SPAG9: variants seen among roughly 807,000 people sequenced by gnomAD.
SPAG9 encodes C-Jun-amino-terminal kinase-interacting protein 4.
A neutral mutation model predicts 166.5 loss-of-function variants in SPAG9; 35 were observed. The ratio of observed to expected loss-of-function variants is 0.21; its 90% CI spans 0.16 to 0.28. The LOEUF is 0.28. Ranked by LOEUF, SPAG9 falls within the 10% of genes least tolerant of loss-of-function variation. The probability of loss-of-function intolerance (pLI) is 1.00; values close to 1 mark genes in which losing one functional copy is unlikely to be tolerated. For missense variants in SPAG9, 1,235 were observed against 1,603.3 expected (o/e 0.77, Z 3.92); for synonymous variants, 534 against 565.5 (o/e 0.94, Z 0.79).
chr17:51,104,175 G>A (rs2048878195), intron 1 of SPAG9, among the ~76,000 whole-genome samples: 1 of 152,074 alleles, frequency 6.6e-6, no homozygotes, highest in African/African-American at 2.4e-5. Context: ...TGGACACGCT[G>A]GGAGATATTC....
At chr17:51,062,203 G>A (rs1339325879) in intron 2 of SPAG9, among the ~76,000 whole-genome samples, 10 of 151,948 alleles carry the variant, frequency 6.6e-5, no homozygotes, top group Admixed American at 1.3e-4. Context: ...CCCTACACAC[G>A]CAACCTCCCC....
chr17:51,050,163 A>G (rs1459805827), intron 3 of SPAG9, among the ~76,000 whole-genome samples: 1 of 152,246 alleles, frequency 6.6e-6, no homozygotes, highest in Non-Finnish European at 1.5e-5. Flanking sequence ...GTAATTACAG[A>G]TATAGTATTC....
chr17:51,001,600 A>G, intron 13 of SPAG9, 115 bp downstream of exon 13: 1 of 981,644 alleles, frequency 1.0e-6, no homozygotes. Flanking sequence ...AGTCTCTCCT[A>G]GTAAACAGAG....
intron 3 of SPAG9, among the ~76,000 whole-genome samples, chr17:51,049,365 A>G (rs1297785395): frequency 6.7e-6 from 1 of 149,886 alleles, no homozygotes; most frequent in African/African-American, 2.5e-5. Flanking sequence ...AGACCCCTCA[A>G]AAAAAAAAAC....
intron 2 of SPAG9, among the ~76,000 whole-genome samples, chr17:51,076,985 T>TCTAGCTAGCTATCTAGCTAGCTATCTAG (rs751596340): frequency 9.8e-6 from 1 of 101,646 alleles, no homozygotes; most frequent in African/African-American, 3.9e-5. Context: ...ATCTATCTTA[T>TCTAGCTAGCTATCTAGCTAGCTATCTAG]CTAGCTATCT....
chr17:50,997,591 A>G (rs2044734727), intron 15 of SPAG9, among the ~76,000 whole-genome samples: 1 of 152,258 alleles, frequency 6.6e-6, no homozygotes, highest in Non-Finnish European at 1.5e-5. Context: ...TTAAATTTTC[A>G]TAAGATGAGT....
At chr17:51,104,932 C>CAA (rs397856546) in intron 1 of SPAG9, among the ~76,000 whole-genome samples, 6 of 57,468 alleles carry the variant, frequency 1.0e-4, no homozygotes, top group East Asian at 4.1e-4. Flanking sequence ...GACTCCGTCT[C>CAA]AAAAAAAAAA....
intron 3 of SPAG9, among the ~76,000 whole-genome samples, chr17:51,052,923 G>A (rs986391880): frequency 3.9e-5 from 6 of 151,978 alleles, no homozygotes; most frequent in Admixed American, 3.3e-4. Flanking sequence ...GCCGAGCGTG[G>A]TGGTGCACTC....
At chr17:51,022,152 G>A (rs962052299) in intron 6 of SPAG9, among the ~76,000 whole-genome samples, 1 of 150,914 alleles carries the variant, frequency 6.6e-6, no homozygotes, top group Non-Finnish European at 1.5e-5. Flanking sequence ...AGCGGGGAGA[G>A]GGGGCAGATT....
At chr17:51,009,010 T>C (rs368448053) in intron 9 of SPAG9, 9 of 360,780 alleles carry the variant, frequency 2.5e-5, no homozygotes, top group South Asian at 8.8e-5. Context: ...GCTGAAAATA[T>C]ATGAAAGGCA....
chr17:50,999,819 G>A (rs2044852161), intron 13 of SPAG9, 102 bp from the exon 14 acceptor site: 2 of 877,200 alleles, frequency 2.3e-6, no homozygotes, highest in Admixed American at 2.4e-5. Context: ...TACACAGAGG[G>A]GAGTCAACAA....
chr17:51,022,254 A>G (rs1295292846), intron 6 of SPAG9, among the ~76,000 whole-genome samples: 1 of 152,064 alleles, frequency 6.6e-6, no homozygotes, highest in Non-Finnish European at 1.5e-5. Context: ...AGAAAAGAGT[A>G]GGGAGTAGGG....
intron 8 of SPAG9, among the ~76,000 whole-genome samples, chr17:51,018,661 C>G (rs552762420): frequency 3.9e-5 from 6 of 152,202 alleles, no homozygotes; most frequent in Non-Finnish European, 8.8e-5. Context: ...GGGGAGGGGC[C>G]CTGGACCCAA....
At chr17:50,979,718 G>T in intron 26 of SPAG9, 28 bp downstream of exon 26, 1 of 1,595,430 alleles carries the variant, frequency 6.3e-7, no homozygotes. Context: ...TCTTTGACTG[G>T]TAAAGATAAA....
intron 9 of SPAG9, among the ~76,000 whole-genome samples, chr17:51,008,858 C>T (rs1427150898): frequency 6.6e-6 from 1 of 152,126 alleles, no homozygotes; most frequent in African/African-American, 2.4e-5. Context: ...ATTTTTATTC[C>T]TTTGTAGATA....
chr17:50,994,017 C>A, intron 18 of SPAG9, 82 bp from the exon 19 acceptor site: 2 of 1,216,930 alleles, frequency 1.6e-6, no homozygotes, highest in Non-Finnish European at 1.2e-6. Context: ...CAGTAAAAGG[C>A]AATACTATTT....
chr17:51,068,313 A>C lies in SPAG9; in HGVS notation c.424+11271T>G, dbSNP rs184299041. Among the ~76,000 whole-genome samples, 139 of 152,356 alleles carry C rather than the reference A, an allele frequency of 9.1e-4. 4 individuals are homozygous for C. The highest frequency in any genetic ancestry group is 8.6e-3 in the Admixed American group (132 of 15,294). ...GTCCTTTACCATGTCTCTCAACTTC[A>C]AAAAATTTTCAGATATTATATGTTA... On this transcript the variant is annotated intron_variant, in intron 2 of 29. Coordinates refer to ENST00000262013, the MANE Select transcript of SPAG9 (RefSeq NM_001130528.3).
Position 50,970,775 on chromosome 17 carries a change from C to A in SPAG9, c.3782G>T (p.Gly1261Val). 1.9e-6 allele frequency: 3 copies of A among 1,614,124 alleles called. No individual in the cohort carries two copies. Among genetic ancestry groups the A allele is most frequent in the Non-Finnish European group, 2.5e-6 (3 of 1,180,008 alleles). Reference sequence around the variant, plus strand: ...CATAGACTTCAAGGGCGTCTGACTACCAGGCTCCTGTGCAGATGGCCCTGC... The same window carrying A: ...CATAGACTTCAAGGGCGTCTGACTAACAGGCTCCTGTGCAGATGGCCCTGC... ...DKAGPSAQEP[G>V]SQTPLKSMLV... Residue 1261 changes from glycine to valine, a missense_variant, in exon 29 of 30, where the codon GGT becomes GTT. Physicochemically the swap from Gly to Val is moderately radical, Grantham distance 109. Around this residue, in one of 6 missense-constraint regions of SPAG9, gnomAD observed 243 missense variants for 358.6 expected, o/e 0.68. Coordinates refer to ENST00000262013, the MANE Select transcript of SPAG9 (RefSeq NM_001130528.3).
At chr17:51,034,986 C>G (rs1346482558) in intron 5 of SPAG9, among the ~76,000 whole-genome samples, 1 of 152,198 alleles carries the variant, frequency 6.6e-6, no homozygotes, top group East Asian at 1.9e-4. Flanking sequence ...CTGTTACACA[C>G]TGGGAACACT....
Sources: allele counts gnomAD v4.1 joint callset (sites outside exome capture counted in the v4.1 genomes callset), GRCh38; gene constraint gnomAD v4.1.1; regional missense constraint gnomAD v4.1.1; transcripts MANE v1.5; gene names NCBI Gene and HGNC (gene_info 2026-07-23, HGNC 2026-07-21).